CCSER1: variants seen among roughly 807,000 people sequenced by gnomAD.
The protein encoded by CCSER1 is serine-rich coiled-coil domain-containing protein 1.
Under a neutral mutation model 82.0 loss-of-function variants are expected in CCSER1, and 41 were observed. That is an observed-to-expected ratio of 0.50 (90% CI 0.39 to 0.65). The LOEUF (loss-of-function observed/expected upper bound fraction) is 0.65. Ranked by LOEUF, CCSER1 falls within the 30% of genes least tolerant of loss-of-function variation. The probability of loss-of-function intolerance (pLI) is 0.00; values close to 1 mark genes in which losing one functional copy is unlikely to be tolerated. For missense variants in CCSER1, 1,119 were observed against 1,064.2 expected, an observed-to-expected ratio of 1.05 and a Z score of -0.72; for synonymous variants, 414 against 383.9, an observed-to-expected ratio of 1.08 and a Z score of -0.92.
intron 10 of CCSER1, among the ~76,000 whole-genome samples, chr4:91,117,687 T>C (rs746698834): frequency 6.6e-6 from 1 of 152,012 alleles, no homozygotes; most frequent in Non-Finnish European, 1.5e-5. Flanking sequence ...CAAAAGCCAA[T>C]GCCATAGGCA....
At chr4:91,038,759 G>A (rs1312602546) in intron 9 of CCSER1, among the ~76,000 whole-genome samples, 1 of 152,016 alleles carries the variant, frequency 6.6e-6, no homozygotes, top group Non-Finnish European at 1.5e-5. Flanking sequence ...TAAATTCTAT[G>A]TTCTTCACTC....
intron 5 of CCSER1, among the ~76,000 whole-genome samples, chr4:90,470,031 G>A (rs1028069787): frequency 6.6e-6 from 1 of 152,064 alleles, no homozygotes; most frequent in Non-Finnish European, 1.5e-5. Flanking sequence ...TTCAGGTTTG[G>A]GATCTTCAGT....
chr4:91,231,733 A>T (rs1426593795), intron 10 of CCSER1, among the ~76,000 whole-genome samples: 1 of 151,848 alleles, frequency 6.6e-6, no homozygotes, highest in Non-Finnish European at 1.5e-5. Context: ...TGTAAAAGAC[A>T]TATGTATCTG....
intron 1 of CCSER1, among the ~76,000 whole-genome samples, chr4:90,176,767 G>A (rs1732770877): frequency 6.6e-6 from 1 of 151,938 alleles, no homozygotes; most frequent in Non-Finnish European, 1.5e-5. Context: ...AATTCAGGAG[G>A]GACCTTCTAG....
chr4:91,224,017 A>G (rs933731498), intron 10 of CCSER1, among the ~76,000 whole-genome samples: 2 of 151,758 alleles, frequency 1.3e-5, no homozygotes, highest in Non-Finnish European at 2.9e-5. Context: ...ATTTGGAAGG[A>G]AGGCTTAAAT....
intron 3 of CCSER1, among the ~76,000 whole-genome samples, chr4:90,350,816 G>T (rs1305242049): frequency 6.6e-6 from 1 of 151,982 alleles, no homozygotes; most frequent in Non-Finnish European, 1.5e-5. Flanking sequence ...TCTGATAAAA[G>T]AATCTGTTTC....
intron 1 of CCSER1, among the ~76,000 whole-genome samples, chr4:90,244,447 T>G (rs1721057680): frequency 6.6e-6 from 1 of 152,214 alleles, no homozygotes. Context: ...AATGCTTTGC[T>G]AGAAAGACCT....
At chr4:90,931,967 CAT>C (rs2150288770) in intron 9 of CCSER1, among the ~76,000 whole-genome samples, 1 of 152,006 alleles carries the variant, frequency 6.6e-6, no homozygotes, top group African/African-American at 2.4e-5. Flanking sequence ...TATAAAAAGC[CAT>C]AGAGAGCTAA....
intron 9 of CCSER1, among the ~76,000 whole-genome samples, chr4:90,957,637 A>ATATATAATATATAATTATATATATAAC (rs1733649688): frequency 7.9e-6 from 1 of 127,316 alleles, no homozygotes; most frequent in East Asian, 2.1e-4. Context: ...ATTCTATATA[A>ATATATAATATATAATTATATATATAAC]TATATAATAT....
intron 10 of CCSER1, among the ~76,000 whole-genome samples, chr4:91,134,086 A>C (rs1728245438): frequency 6.6e-6 from 1 of 152,140 alleles, no homozygotes; most frequent in Non-Finnish European, 1.5e-5. Context: ...GTGACAGAGC[A>C]AGATTCTGTC....
chr4:90,648,325 GAA>G (rs1728077086), intron 6 of CCSER1, among the ~76,000 whole-genome samples: 2 of 151,186 alleles, frequency 1.3e-5, no homozygotes, highest in African/African-American at 4.9e-5. Context: ...AAGAAAGAAA[GAA>G]AGAAAGAAAG....
chr4:90,872,262 T>TTATCCTTCTTCCCACCTTC (rs2150035540), intron 8 of CCSER1, among the ~76,000 whole-genome samples: 1 of 151,906 alleles, frequency 6.6e-6, no homozygotes, highest in Non-Finnish European at 1.5e-5. Context: ...TTCCTTCCTT[T>TTATCCTTCTTCCCACCTTC]TATCCTTCTT....
chr4:90,859,129 C>T (rs1480742788), intron 8 of CCSER1, among the ~76,000 whole-genome samples: 1 of 151,868 alleles, frequency 6.6e-6, no homozygotes, highest in African/African-American at 2.4e-5. Flanking sequence ...ATATGTAGCA[C>T]ACAGAAACTG....
At chr4:90,146,925 A>G (rs1725916479) in intron 1 of CCSER1, among the ~76,000 whole-genome samples, 1 of 152,126 alleles carries the variant, frequency 6.6e-6, no homozygotes, top group Non-Finnish European at 1.5e-5. Flanking sequence ...ATTAACACAT[A>G]AGATTAAATA....
intron 5 of CCSER1, among the ~76,000 whole-genome samples, chr4:90,597,086 A>G (rs1443677646): frequency 6.6e-6 from 1 of 152,030 alleles, no homozygotes; most frequent in Non-Finnish European, 1.5e-5. Flanking sequence ...ATAAAATGTA[A>G]CGTATATTTC....
rs150919960 is a variant in CCSER1 at position 91,128,209 on chromosome 4, G to C, written c.2217+42215G>C. ...TTTCTAATCTTTTCCTTCAGTTTCT[G>C]CCTCTAACTCCTCTCTCTGCAGTGT... On this transcript the variant is annotated intron_variant, in intron 10 of 10. Coordinates refer to ENST00000509176, the MANE Select transcript of CCSER1 (RefSeq NM_001145065.2). Among the ~76,000 whole-genome samples the C allele has an allele frequency of 2.6e-5, 4 of 152,060 alleles. No homozygotes were observed. The East Asian group carries it at 7.7e-4, about 29-fold the overall frequency.
chr4:90,791,686 T>TA (rs1460734677), intron 7 of CCSER1, among the ~76,000 whole-genome samples: 7 of 151,818 alleles, frequency 4.6e-5, no homozygotes, highest in African/African-American at 7.2e-5. Flanking sequence ...CCATCTCTAC[T>TA]AAAAATACAA....
rs571370562 is a variant in CCSER1, at chr4:90,290,790, A to T, written c.-41-17454A>T. 7.2e-5 allele frequency among the ~76,000 whole-genome samples: 11 copies of T among 152,036 alleles called. 1 individual carries two copies. Among genetic ancestry groups the T allele is most frequent in the Non-Finnish European group, 1.6e-4 (11 of 67,982 alleles). ...CAGTGGATCTGTCATTGGAATACTAATTTGGAATACTAAGCCACTTCCAAT... is the reference window on the plus strand; with the variant it reads ...CAGTGGATCTGTCATTGGAATACTATTTTGGAATACTAAGCCACTTCCAAT... On this transcript the variant is annotated intron_variant, in intron 1 of 10. Coordinates refer to ENST00000509176, the MANE Select transcript of CCSER1 (RefSeq NM_001145065.2).
chr4:90,654,398 A>G (rs569273527), intron 6 of CCSER1, among the ~76,000 whole-genome samples: 1 of 152,104 alleles, frequency 6.6e-6, no homozygotes, highest in South Asian at 2.1e-4. Context: ...TTCCTTTTAT[A>G]CTTTATATTT....
Sources: gnomAD v4.1 joint callset for allele counts (sites outside exome capture counted in the v4.1 genomes callset) on GRCh38, gnomAD v4.1.1 for gene constraint, MANE v1.5 for transcripts, NCBI Gene and HGNC (gene_info 2026-07-23, HGNC 2026-07-21) for gene names.